Variants in MKLN1 observed in about 807,000 individuals in gnomAD.
MKLN1 encodes muskelin.
MKLN1 carries 18 observed loss-of-function variants against 99.0 expected under a neutral mutation model. That is an observed-to-expected ratio of 0.18 (90% confidence interval 0.13 to 0.27). The LOEUF (loss-of-function observed/expected upper bound fraction) is 0.27. Among genes scored for constraint, MKLN1 ranks in the 10% least tolerant of loss-of-function variants. The pLI is 1.00. For missense variants in MKLN1, 621 were observed against 875.9 expected, an observed-to-expected ratio of 0.71 and a Z score of 3.67; for synonymous variants, 288 against 293.2, an observed-to-expected ratio of 0.98 and a Z score of 0.18.
At chr7:131,132,709 G>A (rs914036415) in intron 1 of MKLN1, among the ~76,000 whole-genome samples, 1 of 151,918 alleles carries the variant, frequency 6.6e-6, no homozygotes, top group African/African-American at 2.4e-5. Flanking sequence ...GGATCACAAG[G>A]TCAGGAGATC....
chr7:131,441,094 T>C (rs985558594), intron 10 of MKLN1, among the ~76,000 whole-genome samples: 2 of 152,176 alleles, frequency 1.3e-5, no homozygotes, highest in Non-Finnish European at 2.9e-5. Flanking sequence ...CAAACTGTCC[T>C]TCAAGTATAA....
intron 9 of MKLN1, 43 bp downstream of exon 9, chr7:131,429,188 C>A (rs369015945): frequency 7.9e-7 from 1 of 1,270,716 alleles, no homozygotes; most frequent in Non-Finnish European, 1.1e-6. Flanking sequence ...ACAGAAGGGG[C>A]GTAGATGTGC....
chr7:131,424,399 T>A (rs917478950), intron 8 of MKLN1, among the ~76,000 whole-genome samples: 3 of 152,116 alleles, frequency 2.0e-5, no homozygotes, highest in Non-Finnish European at 2.9e-5. Flanking sequence ...AAAAACTGAT[T>A]TAATTACAAA....
At chr7:131,381,302 G>T (rs748094791) in intron 2 of MKLN1, among the ~76,000 whole-genome samples, 11 of 152,138 alleles carry the variant, frequency 7.2e-5, no homozygotes, top group Non-Finnish European at 1.0e-4. Flanking sequence ...CATCTTGAAA[G>T]ACATGTTTTC....
intron 3 of MKLN1, among the ~76,000 whole-genome samples, chr7:131,278,510 G>C (rs1315656208): frequency 6.6e-6 from 1 of 152,082 alleles, no homozygotes; most frequent in Non-Finnish European, 1.5e-5. Flanking sequence ...ATAATACTTA[G>C]TTTAGGTGCT....
intron 2 of MKLN1, among the ~76,000 whole-genome samples, chr7:131,185,707 C>T (rs929651259): frequency 7.2e-5 from 11 of 152,148 alleles, no homozygotes; most frequent in Non-Finnish European, 1.5e-4. Flanking sequence ...CACATACTAG[C>T]CGTATGACCT....
At chr7:131,244,742 A>C (rs575717689) in intron 3 of MKLN1, among the ~76,000 whole-genome samples, 23 of 152,280 alleles carry the variant, frequency 1.5e-4, no homozygotes, top group African/African-American at 5.5e-4. Flanking sequence ...CAGATTTGGC[A>C]TGTCCCCCTG....
intron 1 of MKLN1, among the ~76,000 whole-genome samples, chr7:131,354,863 C>T (rs1284435392): frequency 6.6e-6 from 1 of 152,094 alleles, no homozygotes; most frequent in African/African-American, 2.4e-5. Context: ...TATTATAAAG[C>T]TCATATTTCC....
chr7:131,358,439 T>C (rs1003060645), intron 1 of MKLN1, among the ~76,000 whole-genome samples: 1 of 152,192 alleles, frequency 6.6e-6, no homozygotes, highest in African/African-American at 2.4e-5. Flanking sequence ...TTTGCTAATA[T>C]TTTTTGAGAT....
At chr7:131,322,460 C>T (rs894966039) in intron 3 of MKLN1, among the ~76,000 whole-genome samples, 6 of 151,764 alleles carry the variant, frequency 4.0e-5, no homozygotes, top group African/African-American at 1.5e-4. Context: ...GGGGAGGCCT[C>T]AGGAAACTTA....
chr7:131,216,739 T>C (rs1229381979), intron 3 of MKLN1, among the ~76,000 whole-genome samples: 1 of 152,208 alleles, frequency 6.6e-6, no homozygotes, highest in Admixed American at 6.5e-5. Context: ...GTCTGTCACC[T>C]GGGTAATGGG....
intron 8 of MKLN1, among the ~76,000 whole-genome samples, chr7:131,419,342 C>G (rs535339976): frequency 6.7e-6 from 1 of 148,832 alleles, no homozygotes; most frequent in African/African-American, 2.5e-5. Context: ...CCTCTGCCTC[C>G]GGGGTTCAAG....
intron 2 of MKLN1, among the ~76,000 whole-genome samples, chr7:131,164,517 C>T (rs1182911398): frequency 1.3e-5 from 2 of 152,154 alleles, no homozygotes; most frequent in Non-Finnish European, 2.9e-5. Flanking sequence ...AAAAATCAAG[C>T]CCTAAGAAGC....
chr7:131,139,405 C>T (rs1795698832), intron 1 of MKLN1, among the ~76,000 whole-genome samples: 1 of 152,082 alleles, frequency 6.6e-6, no homozygotes, highest in Non-Finnish European at 1.5e-5. Flanking sequence ...CTCACCTTCG[C>T]TCCCCAGGGC....
Position 131,491,690 on chromosome 7 carries a change from A to C in MKLN1, c.*3962A>C, listed in dbSNP as rs1433385527. On this transcript the variant is annotated 3_prime_UTR_variant, in exon 18 of 18. Coordinates refer to ENST00000352689, the MANE Select transcript of MKLN1 (RefSeq NM_013255.5). ...GTTTTGGGTGAGGACTCATTACTGC[A>C]GTATATTGATCTCTTCACCAAATGC... is the stretch of plus-strand genomic sequence containing the variant. 1.3e-5 allele frequency: 2 copies of C among 152,402 alleles called. No individual in the cohort carries two copies. Among genetic ancestry groups the C allele is most frequent in the African/African-American group, 4.8e-5 (2 of 41,450 alleles). 9.4% of individuals were successfully genotyped at this position (152,402 alleles called of 1,614,324 possible).
intron 1 of MKLN1, among the ~76,000 whole-genome samples, chr7:131,361,401 C>G (rs766961100): frequency 1.3e-5 from 2 of 151,622 alleles, no homozygotes; most frequent in Non-Finnish European, 2.9e-5. Context: ...TGGTACATTA[C>G]CCATCTATCT....
At chr7:131,462,971 A>T (rs1562878777) in intron 12 of MKLN1, among the ~76,000 whole-genome samples, 3 of 152,072 alleles carry the variant, frequency 2.0e-5, no homozygotes, top group Non-Finnish European at 4.4e-5. Context: ...AAAATAAAAA[A>T]ATTAGCTGAG....
intron 3 of MKLN1, among the ~76,000 whole-genome samples, chr7:131,221,059 C>T (rs2116452454): frequency 6.6e-6 from 1 of 152,308 alleles, no homozygotes; most frequent in South Asian, 2.1e-4. Flanking sequence ...CCATCTGCCT[C>T]ATATCAGTGA....
intron 3 of MKLN1, among the ~76,000 whole-genome samples, chr7:131,264,081 G>A (rs1797773468): frequency 6.6e-6 from 1 of 152,150 alleles, no homozygotes; most frequent in Non-Finnish European, 1.5e-5. Context: ...GGAATATGAG[G>A]TCTAGCAGAG....
Sources: gnomAD v4.1 joint callset for allele counts (sites outside exome capture counted in the v4.1 genomes callset) on GRCh38, gnomAD v4.1.1 for gene constraint, MANE v1.5 for transcripts, NCBI Gene and HGNC (gene_info 2026-07-23, HGNC 2026-07-21) for gene names.